Variants in B3GALT1 observed in about 807,000 individuals in gnomAD.
The protein encoded by B3GALT1 is UDP-Gal:betaGlcNAc beta 1,3-galactosyltransferase, polypeptide 1.
Under a neutral mutation model 23.2 loss-of-function variants are expected in B3GALT1, and 10 were observed. That is an observed-to-expected ratio of 0.43 (90% CI 0.27 to 0.73). The LOEUF is 0.73. B3GALT1 is among the 30% of genes least tolerant of loss of function. The probability of loss-of-function intolerance (pLI) is 0.21; values close to 1 mark genes in which losing one functional copy is unlikely to be tolerated. For synonymous variants in B3GALT1, 156 were observed against 141.5 expected (o/e 1.10, Z -0.73); for missense variants, 299 against 405.4 (o/e 0.74, Z 2.25).
At chr2:167,542,975 A>G (rs1263755295) in intron 2 of B3GALT1, among the ~76,000 whole-genome samples, 1 of 152,102 alleles carries the variant, frequency 6.6e-6, no homozygotes, top group Non-Finnish European at 1.5e-5. Flanking sequence ...TGTAGATGTA[A>G]ATATTCTTAT....
intron 3 of B3GALT1, among the ~76,000 whole-genome samples, chr2:167,812,302 G>A (rs1398512338): frequency 6.6e-6 from 1 of 152,200 alleles, no homozygotes; most frequent in East Asian, 1.9e-4. Context: ...TCCAAAATTT[G>A]TTTGTACATA....
chr2:167,532,333 C>T (rs1033022393), intron 2 of B3GALT1, among the ~76,000 whole-genome samples: 1 of 152,116 alleles, frequency 6.6e-6, no homozygotes, highest in African/African-American at 2.4e-5. Flanking sequence ...CATTGAACCA[C>T]ATAATGTGTT....
chr2:167,614,239 A>T (rs760264154), intron 2 of B3GALT1, among the ~76,000 whole-genome samples: 6 of 151,600 alleles, frequency 4.0e-5, no homozygotes, highest in Non-Finnish European at 8.9e-5. Context: ...TCAATGTCCC[A>T]CACTATAGTA....
At chr2:167,740,488 T>C (rs1574239254) in intron 3 of B3GALT1, among the ~76,000 whole-genome samples, 1 of 152,306 alleles carries the variant, frequency 6.6e-6, no homozygotes, top group Non-Finnish European at 1.5e-5. Context: ...GACTTTATTT[T>C]AATCAAATAA....
intron 4 of B3GALT1, among the ~76,000 whole-genome samples, chr2:167,822,316 CAG>C (rs1689124194): frequency 6.6e-6 from 1 of 152,140 alleles, no homozygotes; most frequent in East Asian, 1.9e-4. Context: ...CTAAACTAAA[CAG>C]AGCTGGTTAT....
At chr2:167,821,646 G>A (rs753559016) in intron 4 of B3GALT1, among the ~76,000 whole-genome samples, 1 of 151,968 alleles carries the variant, frequency 6.6e-6, no homozygotes, top group Non-Finnish European at 1.5e-5. Context: ...TGTTGGCCAG[G>A]CTGGTCTCGA....
At chr2:167,711,414 A>G (rs566392698) in intron 3 of B3GALT1, among the ~76,000 whole-genome samples, 5 of 152,314 alleles carry the variant, frequency 3.3e-5, no homozygotes, top group African/African-American at 1.2e-4. Context: ...AGAATGAACA[A>G]ATGGGTGAAT....
At chr2:167,301,733 T>G (rs1696449138) in intron 1 of B3GALT1, among the ~76,000 whole-genome samples, 2 of 152,186 alleles carry the variant, frequency 1.3e-5, no homozygotes, top group South Asian at 4.1e-4. Flanking sequence ...TATTTTTTAG[T>G]AGAGATGGTT....
intron 1 of B3GALT1, among the ~76,000 whole-genome samples, chr2:167,293,774 G>A (rs921063378): frequency 6.6e-6 from 1 of 152,138 alleles, no homozygotes; most frequent in Non-Finnish European, 1.5e-5. Context: ...CTTTATTGCG[G>A]TGATTAAAAG....
chr2:167,684,224 G>T (rs1686580701), intron 3 of B3GALT1, among the ~76,000 whole-genome samples: 1 of 152,114 alleles, frequency 6.6e-6, no homozygotes, highest in Non-Finnish European at 1.5e-5. Context: ...AATAACGTAG[G>T]CAAGGAATAA....
At chr2:167,716,085 G>T in intron 3 of B3GALT1, 1 of 1,552,516 alleles carries the variant, frequency 6.4e-7, no homozygotes, top group Non-Finnish European at 8.9e-7. Flanking sequence ...CTGCTCTGGC[G>T]GTCACCGCAG....
chr2:167,401,069 T>A (rs1378961233), intron 1 of B3GALT1, among the ~76,000 whole-genome samples: 2 of 152,078 alleles, frequency 1.3e-5, no homozygotes, highest in African/African-American at 2.4e-5. Context: ...CATCATTATT[T>A]TTATCTTCTA....
intron 4 of B3GALT1, among the ~76,000 whole-genome samples, chr2:167,855,747 T>A (rs1371690158): frequency 6.6e-6 from 1 of 152,160 alleles, no homozygotes; most frequent in Non-Finnish European, 1.5e-5. Context: ...CTTTCACGAC[T>A]GACCTGTTTT....
chr2:167,812,748 G>A (rs1266128199), intron 3 of B3GALT1, among the ~76,000 whole-genome samples: 3 of 152,066 alleles, frequency 2.0e-5, no homozygotes, highest in African/African-American at 7.2e-5. Context: ...ATGTATTTCA[G>A]TTTAAAATCA....
intron 2 of B3GALT1, among the ~76,000 whole-genome samples, chr2:167,618,944 C>CT (rs957403896): frequency 2.8e-4 from 41 of 148,214 alleles, no homozygotes; most frequent in South Asian, 2.4e-3. Flanking sequence ...CTAATGTTAC[C>CT]TTTTTTTTTT....
rs183904641 is a variant in B3GALT1, at chr2:167,488,883, G to T, written c.-510-1294G>T. On this transcript the variant is annotated intron_variant, in intron 1 of 4. Transcript: ENST00000392690. ...GTTTCATGCAACTTTAAGATTTTTC[G>T]ATTTATCCATAGATGTTTAATTGAA... Among the ~76,000 whole-genome samples, 230 of 151,374 alleles carry T rather than the reference G, an allele frequency of 1.5e-3. 2 individuals carry two copies. The highest frequency in any genetic ancestry group is 0.011 in the East Asian group (58 of 5,154).
At chr2:167,436,763 G>T (rs1428726232) in intron 1 of B3GALT1, among the ~76,000 whole-genome samples, 1 of 152,082 alleles carries the variant, frequency 6.6e-6, no homozygotes, top group Non-Finnish European at 1.5e-5. Flanking sequence ...ATATCCTGCA[G>T]TCCCCCAGTT....
At chr2:167,429,293 A>T (rs535310431) in intron 1 of B3GALT1, among the ~76,000 whole-genome samples, 135 of 151,854 alleles carry the variant, frequency 8.9e-4, no homozygotes, top group African/African-American at 3.2e-3. Flanking sequence ...AAAAAAAAAA[A>T]AAAAAAATAA....
Position 167,870,607 on chromosome 2 carries a change from T to G in B3GALT1, c.*587T>G, listed in dbSNP as rs766804459. 6.0e-6 allele frequency: 1 copy of G among 167,092 alleles called. No homozygotes were observed. Among genetic ancestry groups the G allele is most frequent in the Non-Finnish European group, 1.5e-5 (1 of 68,138 alleles). 10.4% of individuals were successfully genotyped at this position (167,092 alleles called of 1,614,324 possible). ...AAATTTGAGAATCAAACATTCTATG[T>G]GTTTGGAAGACAACTCTGCTTGCTC... On this transcript the variant is annotated 3_prime_UTR_variant, in exon 5 of 5. Transcript: ENST00000392690.
Sources: gnomAD v4.1 joint callset for allele counts (sites outside exome capture counted in the v4.1 genomes callset) on GRCh38, gnomAD v4.1.1 for gene constraint, MANE v1.5 for transcripts, NCBI Gene and HGNC (gene_info 2026-07-23, HGNC 2026-07-21) for gene names.